The following RBFOX1 variants were observed in gnomAD, a reference collection of about 807,000 sequenced individuals.
RBFOX1 encodes the protein RNA binding protein fox-1 homolog 1.
RBFOX1 carries 8 observed loss-of-function variants against 57.7 expected under a neutral mutation model. The ratio of observed to expected loss-of-function variants is 0.14; its 90% CI spans 0.08 to 0.25. The LOEUF (loss-of-function observed/expected upper bound fraction) is 0.25. RBFOX1 is among the 10% of genes least tolerant of loss of function. The pLI, the probability that RBFOX1 is intolerant of heterozygous loss-of-function variation, is 1.00. For missense variants in RBFOX1, 611 were observed against 548.5 expected (o/e 1.11, Z -1.14); for synonymous variants, 326 against 222.4 (o/e 1.47, Z -4.15).
intron 4 of RBFOX1, among the ~76,000 whole-genome samples, chr16:7,355,501 A>G (rs1055426952): frequency 2.0e-5 from 3 of 152,112 alleles, no homozygotes; most frequent in African/African-American, 7.2e-5. Flanking sequence ...AATTACATGC[A>G]TAGGTATGTG....
chr16:7,515,478 T>TACACACACACACACACACAC, intron 4 of RBFOX1, among the ~76,000 whole-genome samples: 1 of 146,790 alleles, frequency 6.8e-6, no homozygotes, highest in South Asian at 2.2e-4. Context: ...CACACACACA[T>TACACACACACACACACACAC]ACACACACAC....
intron 2 of RBFOX1, among the ~76,000 whole-genome samples, chr16:5,482,685 A>T (rs1431971196): frequency 1.3e-5 from 2 of 152,140 alleles, no homozygotes; most frequent in African/African-American, 4.8e-5. Context: ...GAGGCAGAGA[A>T]TGGGGGTGTG....
chr16:6,181,454 T>A (rs547704967), intron 1 of RBFOX1, among the ~76,000 whole-genome samples: 10 of 152,158 alleles, frequency 6.6e-5, no homozygotes, highest in Non-Finnish European at 1.2e-4. Context: ...GGGGGTCAGT[T>A]TTGTCCACAA....
At chr16:7,276,514 G>C (rs1287343731) in intron 4 of RBFOX1, among the ~76,000 whole-genome samples, 2 of 152,086 alleles carry the variant, frequency 1.3e-5, no homozygotes, top group Non-Finnish European at 2.9e-5. Context: ...AGCAAGCAAA[G>C]GGTAGGGAAA....
chr16:5,546,099 A>C (rs1277852451), intron 2 of RBFOX1, among the ~76,000 whole-genome samples: 2 of 152,208 alleles, frequency 1.3e-5, no homozygotes, highest in Non-Finnish European at 2.9e-5. Flanking sequence ...TAAGGAATAC[A>C]TAGGGATAAG....
At chr16:6,705,390 A>G (rs1333911571) in intron 3 of RBFOX1, 1 of 152,208 alleles carries the variant, frequency 6.6e-6, no homozygotes, top group African/African-American at 2.4e-5. Context: ...TAATTGGGAC[A>G]CAGATGGTTA....
intron 1 of RBFOX1, among the ~76,000 whole-genome samples, chr16:5,435,605 C>T (rs925365055): frequency 6.6e-6 from 1 of 152,088 alleles, no homozygotes; most frequent in African/African-American, 2.4e-5. Context: ...CCAGGAGGGC[C>T]ACCTCACTCT....
At chr16:5,592,544 G>C (rs147768397) in intron 2 of RBFOX1, among the ~76,000 whole-genome samples, 1,728 of 152,072 alleles carry the variant, frequency 0.011, 34 homozygotes, top group African/African-American at 0.039. Context: ...AGCCTCCCCG[G>C]TAGCTGGGAT....
intron 4 of RBFOX1, among the ~76,000 whole-genome samples, chr16:5,992,229 G>A (rs920224068): frequency 3.9e-5 from 6 of 152,096 alleles, no homozygotes; most frequent in African/African-American, 1.2e-4. Context: ...AAAGAACAAA[G>A]AGTTTTCAAG....
At chr16:5,728,988 G>A (rs1330172775) in intron 3 of RBFOX1, among the ~76,000 whole-genome samples, 1 of 152,218 alleles carries the variant, frequency 6.6e-6, no homozygotes, top group Non-Finnish European at 1.5e-5. Context: ...CCTGGCTCCT[G>A]TCAAATGTCT....
chr16:6,082,579 C>T (rs2096020156), intron 1 of RBFOX1, among the ~76,000 whole-genome samples: 2 of 151,878 alleles, frequency 1.3e-5, no homozygotes, highest in South Asian at 2.1e-4. Flanking sequence ...CAGCCCTTAG[C>T]AGACCTTCTC....
chr16:7,098,996 C>A (rs1371176839), intron 4 of RBFOX1, among the ~76,000 whole-genome samples: 2 of 152,070 alleles, frequency 1.3e-5, no homozygotes, highest in Admixed American at 6.6e-5. Flanking sequence ...TGATGGCTGC[C>A]TCTTTTTGGT....
intron 4 of RBFOX1, among the ~76,000 whole-genome samples, chr16:7,294,008 A>C (rs987342237): frequency 6.6e-6 from 1 of 152,140 alleles, no homozygotes; most frequent in Non-Finnish European, 1.5e-5. Flanking sequence ...TTAAAGATAA[A>C]ATTTCTGAGC....
intron 1 of RBFOX1, among the ~76,000 whole-genome samples, chr16:6,177,073 T>TA (rs1260297776): frequency 1.3e-5 from 2 of 152,188 alleles, no homozygotes; most frequent in Non-Finnish European, 1.5e-5. Flanking sequence ...AATAGTCATT[T>TA]AAAAAACTGA....
intron 2 of RBFOX1, among the ~76,000 whole-genome samples, chr16:6,334,107 G>A (rs1036386170): frequency 1.3e-5 from 2 of 152,128 alleles, no homozygotes; most frequent in East Asian, 3.9e-4. Flanking sequence ...AACTTGGAGA[G>A]GAAATCTAAG....
chr16:5,996,650 C>G (rs1431533740), intron 4 of RBFOX1, among the ~76,000 whole-genome samples: 1 of 152,044 alleles, frequency 6.6e-6, no homozygotes, highest in Non-Finnish European at 1.5e-5. Flanking sequence ...GCATTTACCA[C>G]CTTGGGGCTT....
chr16:5,715,227 C>G (rs1232407785), intron 3 of RBFOX1, among the ~76,000 whole-genome samples: 1 of 152,168 alleles, frequency 6.6e-6, no homozygotes, highest in Non-Finnish European at 1.5e-5. Context: ...CCCTATAAAT[C>G]AGGTCTGCCT....
chr16:6,822,401 A>C (rs1176724665), intron 3 of RBFOX1, among the ~76,000 whole-genome samples: 1 of 152,204 alleles, frequency 6.6e-6, no homozygotes, highest in African/African-American at 2.4e-5. Context: ...AGATGCCAGC[A>C]AGTCTTTTAA....
At chr16:6,278,900 A>T (rs1567837214) in intron 1 of RBFOX1, among the ~76,000 whole-genome samples, 1 of 152,042 alleles carries the variant, frequency 6.6e-6, no homozygotes, top group East Asian at 1.9e-4. Flanking sequence ...TTTCATTTAG[A>T]TTTTTTTTAA....
Sources: gnomAD v4.1 joint callset for allele counts (sites outside exome capture counted in the v4.1 genomes callset) on GRCh38, gnomAD v4.1.1 for gene constraint, MANE v1.5 for transcripts, NCBI Gene and HGNC (gene_info 2026-07-23, HGNC 2026-07-21) for gene names.